Variants in CYSTM1 observed in about 807,000 individuals in gnomAD.
CYSTM1 encodes the protein cysteine rich transmembrane module containing 1.
Under a neutral mutation model 13.1 loss-of-function variants are expected in CYSTM1, and 4 were observed. The ratio of observed to expected loss-of-function variants is 0.31; its 90% CI spans 0.15 to 0.70. The LOEUF is 0.70. Ranked by LOEUF, CYSTM1 falls within the 30% of genes least tolerant of loss-of-function variation. The pLI, the probability that CYSTM1 is intolerant of heterozygous loss-of-function variation, is 0.72. For missense variants in CYSTM1, 96 were observed against 121.6 expected (o/e 0.79, Z 0.99); for synonymous variants, 36 against 42.7 (o/e 0.84, Z 0.62).
chr5:140,208,458 G>GGA (rs1296668802), intron 2 of CYSTM1, among the ~76,000 whole-genome samples: 13 of 152,110 alleles, frequency 8.5e-5, no homozygotes, highest in African/African-American at 2.9e-4. Flanking sequence ...GGGGGAGGTG[G>GGA]GAATAGTTAG....
chr5:140,217,475 T>G (rs1188635669), intron 2 of CYSTM1, among the ~76,000 whole-genome samples: 1 of 152,132 alleles, frequency 6.6e-6, no homozygotes, highest in Non-Finnish European at 1.5e-5. Context: ...CTCCCTGGCC[T>G]AGCTGGACTC....
At chr5:140,188,850 A>C (rs1191966743) in intron 1 of CYSTM1, among the ~76,000 whole-genome samples, 1 of 152,160 alleles carries the variant, frequency 6.6e-6, no homozygotes, top group African/African-American at 2.4e-5. Flanking sequence ...CCCAAGGAAA[A>C]CCACAATAAA....
chr5:140,241,637 A>C (rs957810801), intron 2 of CYSTM1, among the ~76,000 whole-genome samples: 2 of 152,136 alleles, frequency 1.3e-5, no homozygotes, highest in Admixed American at 6.5e-5. Context: ...ATTCAAGGGG[A>C]TCTGCATGCC....
rs1452928519 is a variant in CYSTM1 at position 140,239,672 on chromosome 5, C to T, written c.188-3633C>T. 2.6e-5 allele frequency among the ~76,000 whole-genome samples: 4 copies of T among 152,238 alleles called. No individual in the cohort carries two copies. Among genetic ancestry groups the T allele is most frequent in the Admixed American group, 2.0e-4 (3 of 15,292 alleles). On this transcript the variant is annotated intron_variant, in intron 2 of 2. Coordinates refer to ENST00000261811, the MANE Select transcript of CYSTM1 (RefSeq NM_032412.4). The surrounding 1 kb of genome is among the most constrained non-coding windows in gnomAD (Gnocchi z 5.4). ...CTCCTGGGCCACATCTGTGTGCTCA[C>T]GCACCTCTCCCTGCACGTTCCCCAC...
chr5:140,177,532 G>A (rs1424592779), intron 1 of CYSTM1, among the ~76,000 whole-genome samples: 1 of 152,196 alleles, frequency 6.6e-6, no homozygotes. Context: ...TGGGAATTGC[G>A]AAGGAAGGTG....
chr5:140,184,856 A>G (rs566088172), intron 1 of CYSTM1, among the ~76,000 whole-genome samples: 3 of 152,326 alleles, frequency 2.0e-5, no homozygotes, highest in Non-Finnish European at 2.9e-5. Flanking sequence ...TGTACCTACC[A>G]AGTTTAGTAT....
chr5:140,177,326 C>T (rs1763902805), intron 1 of CYSTM1, among the ~76,000 whole-genome samples: 1 of 152,062 alleles, frequency 6.6e-6, no homozygotes. Flanking sequence ...GAGTCTTGCT[C>T]TGTCGCCCAG....
intron 1 of CYSTM1, among the ~76,000 whole-genome samples, chr5:140,182,196 A>G (rs1162559992): frequency 6.6e-6 from 1 of 152,214 alleles, no homozygotes; most frequent in Admixed American, 6.5e-5. Flanking sequence ...ATGTTCCCCA[A>G]GTTCCACATA....
At chr5:140,227,628 C>A (rs1764572492) in intron 2 of CYSTM1, among the ~76,000 whole-genome samples, 1 of 152,130 alleles carries the variant, frequency 6.6e-6, no homozygotes. Flanking sequence ...CTTAGGGAGG[C>A]AGCCCAGGAC....
chr5:140,208,775 C>T (rs868632953), intron 2 of CYSTM1, among the ~76,000 whole-genome samples: 1 of 152,188 alleles, frequency 6.6e-6, no homozygotes, highest in African/African-American at 2.4e-5. Flanking sequence ...TGTGGTGGCT[C>T]ACGCCTATAA....
chr5:140,240,479 G>A (rs1048782545), intron 2 of CYSTM1, among the ~76,000 whole-genome samples: 22 of 151,910 alleles, frequency 1.4e-4, no homozygotes, highest in Admixed American at 4.6e-4. Flanking sequence ...AGAGGGCCCC[G>A]GGCTTCAAGT....
chr5:140,209,788 G>A (rs1345555734), intron 2 of CYSTM1, among the ~76,000 whole-genome samples: 1 of 151,684 alleles, frequency 6.6e-6, no homozygotes, highest in Non-Finnish European at 1.5e-5. Flanking sequence ...TCAAACTCCT[G>A]ACCTCAGGTG....
At chr5:140,194,756 G>A (rs1764135572) in intron 2 of CYSTM1, 104 bp downstream of exon 2, 1 of 1,379,560 alleles carries the variant, frequency 7.2e-7, no homozygotes, top group Admixed American at 2.6e-5. Flanking sequence ...TTTGCAACTT[G>A]TGCTTGATGT....
At chr5:140,242,333 C>T (rs1764759801) in intron 2 of CYSTM1, among the ~76,000 whole-genome samples, 1 of 152,138 alleles carries the variant, frequency 6.6e-6, no homozygotes, top group African/African-American at 2.4e-5. Flanking sequence ...CACCAGGCTC[C>T]AGAGAGAGGC....
In CYSTM1 at chr5:140,226,586, TTATATA is replaced by T. The variant is rs549334525; in HGVS notation, c.188-16698_188-16693del. ...ATAAATATATATTATATACTAAATA[TTATATA>T]TATATATATATATATATATAAAAAT... On this transcript the variant is annotated intron_variant, in intron 2 of 2. Coordinates refer to ENST00000261811, the MANE Select transcript of CYSTM1 (RefSeq NM_032412.4). Among the ~76,000 whole-genome samples, 87 of 75,278 alleles carry T rather than the reference TTATATA, an allele frequency of 1.2e-3. 2 individuals carry two copies. Among genetic ancestry groups the T allele is most frequent in the African/African-American group, 3.8e-3 (77 of 20,518 alleles). 49.4% of individuals were successfully genotyped at this position (75,278 alleles called of 152,430 possible).
intron 1 of CYSTM1, among the ~76,000 whole-genome samples, chr5:140,188,060 T>A (rs1410612383): frequency 2.0e-5 from 3 of 150,412 alleles, no homozygotes; most frequent in Admixed American, 1.3e-4. Flanking sequence ...AAAATATTTG[T>A]TAATTTTAAC....
Position 140,194,453 on chromosome 5 carries a change from T to A in CYSTM1, c.-13T>A. 2 of 1,568,504 alleles carry A rather than the reference T, an allele frequency of 1.3e-6. No individual in the cohort carries two copies. Among genetic ancestry groups the A allele is most frequent in the South Asian group, 2.4e-5 (2 of 83,996 alleles). ...ATTCTTTTTGTCTCTTAGGTGCACTTTACAGGTCCCCGATGAACCAAGAGA... is the reference window on the plus strand; with the variant it reads ...ATTCTTTTTGTCTCTTAGGTGCACTATACAGGTCCCCGATGAACCAAGAGA... On this transcript the variant is annotated 5_prime_UTR_variant, in exon 2 of 3. Coordinates refer to ENST00000261811, the MANE Select transcript of CYSTM1 (RefSeq NM_032412.4).
At chr5:140,190,237 T>C (rs1015302973) in intron 1 of CYSTM1, among the ~76,000 whole-genome samples, 1 of 152,182 alleles carries the variant, frequency 6.6e-6, no homozygotes. Context: ...TTAAAACAAC[T>C]GCAAAAAAAA....
chr5:140,235,758 T>C (rs2126672191), intron 2 of CYSTM1, among the ~76,000 whole-genome samples: 1 of 152,324 alleles, frequency 6.6e-6, no homozygotes, highest in East Asian at 1.9e-4. Flanking sequence ...CTCATACTTG[T>C]CAGCCCCTTC....
Sources: gnomAD v4.1 joint callset for allele counts (sites outside exome capture counted in the v4.1 genomes callset) on GRCh38, gnomAD v4.1.1 for gene constraint, Gnocchi (gnomAD v3.1) non-coding constraint, MANE v1.5 for transcripts, NCBI Gene and HGNC (gene_info 2026-07-23, HGNC 2026-07-21) for gene names.